The following RIC1 variants were observed in gnomAD, a reference collection of about 807,000 sequenced individuals.
RIC1 encodes guanine nucleotide exchange factor subunit RIC1.
RIC1 carries 88 observed loss-of-function variants against 169.0 expected under a neutral mutation model. That is an observed-to-expected ratio of 0.52 (90% confidence interval 0.44 to 0.62). RIC1 has a LOEUF of 0.62. Among genes scored for constraint, RIC1 ranks in the 20% least tolerant of loss-of-function variants. The pLI is 0.00. For missense variants in RIC1, 1,877 were observed against 1,725.5 expected (o/e 1.09, Z -1.56); for synonymous variants, 790 against 601.5 (o/e 1.31, Z -4.59).
In RIC1 at chr9:5,770,223, T is replaced by C. The variant is rs757595745; in HGVS notation, c.3561T>C (p.Ala1187=). ...IGPTHHEIDT[A]SSHGPQMQDA... Reference sequence around the variant, plus strand: ...CCACCCATCATGAGATAGACACAGCTTCATCCCATGGACCACAAATGCAAG... The same window carrying C: ...CCACCCATCATGAGATAGACACAGCCTCATCCCATGGACCACAAATGCAAG... The change falls in exon 23 of 26, where the codon GCT becomes GCC. Residue 1187 remains alanine, a synonymous_variant. Transcript: ENST00000414202. 5 of 1,613,880 alleles carry C rather than the reference T, an allele frequency of 3.1e-6. No individual in the cohort carries two copies. The African/African-American group carries it at 6.7e-5, about 22-fold the overall frequency.
intron 1 of RIC1, among the ~76,000 whole-genome samples, chr9:5,650,361 A>T (rs530486308): frequency 6.6e-6 from 1 of 151,856 alleles, no homozygotes; most frequent in Non-Finnish European, 1.5e-5. Flanking sequence ...CTATGCTCCA[A>T]TCTCTATGCT....
At chr9:5,700,764 G>A (rs569332725) in intron 3 of RIC1, among the ~76,000 whole-genome samples, 5 of 152,088 alleles carry the variant, frequency 3.3e-5, no homozygotes, top group Non-Finnish European at 7.4e-5. Flanking sequence ...TGGGAAAATC[G>A]TTGGAACAGA....
At chr9:5,734,612 G>A (rs1250914498) in intron 7 of RIC1, among the ~76,000 whole-genome samples, 1 of 151,782 alleles carries the variant, frequency 6.6e-6, no homozygotes, top group African/African-American at 2.4e-5. Flanking sequence ...TAGTTTTAAC[G>A]TTGTAGTAGA....
At chr9:5,703,215 A>G (rs1225780177) in intron 3 of RIC1, among the ~76,000 whole-genome samples, 1 of 152,136 alleles carries the variant, frequency 6.6e-6, no homozygotes, top group African/African-American at 2.4e-5. Context: ...CCAAGATACA[A>G]TGGGAATACA....
chr9:5,727,912 T>C (rs1824100235), intron 6 of RIC1, among the ~76,000 whole-genome samples: 1 of 152,218 alleles, frequency 6.6e-6, no homozygotes, highest in Non-Finnish European at 1.5e-5. Context: ...AAGGTTCATC[T>C]TAGAGGGGCA....
At chr9:5,709,834 A>G (rs917711525) in intron 3 of RIC1, among the ~76,000 whole-genome samples, 2 of 152,192 alleles carry the variant, frequency 1.3e-5, no homozygotes, top group Non-Finnish European at 2.9e-5. Flanking sequence ...TGTATCTCTA[A>G]TTTTATAATG....
intron 2 of RIC1, among the ~76,000 whole-genome samples, chr9:5,677,783 A>G (rs1187614628): frequency 6.6e-6 from 1 of 152,128 alleles, no homozygotes; most frequent in Non-Finnish European, 1.5e-5. Context: ...GTAAATTAAA[A>G]CTACATTGTT....
intron 6 of RIC1, among the ~76,000 whole-genome samples, chr9:5,725,775 T>C (rs1259925166): frequency 6.6e-6 from 1 of 152,208 alleles, no homozygotes; most frequent in African/African-American, 2.4e-5. Flanking sequence ...TTCTCGTTGG[T>C]TTCAAAGAAC....
At chr9:5,729,123 A>T (rs1274750016) in intron 6 of RIC1, among the ~76,000 whole-genome samples, 1 of 152,088 alleles carries the variant, frequency 6.6e-6, no homozygotes, top group Non-Finnish European at 1.5e-5. Flanking sequence ...CTGGGATTTG[A>T]GTTACAGAAG....
chr9:5,763,103 T>C lies in RIC1; in HGVS notation c.2113-37T>C. 9 of 1,592,914 alleles carry C rather than the reference T, an allele frequency of 5.7e-6. No homozygotes were observed. Among genetic ancestry groups the C allele is most frequent in the Non-Finnish European group, 7.7e-6 (9 of 1,168,500 alleles). On this transcript the variant is annotated intron_variant, in intron 18 of 25. Coordinates refer to ENST00000414202, the MANE Select transcript of RIC1 (RefSeq NM_020829.4). This position sits in a 1 kb window ranked among gnomAD's most constrained non-coding sequence, Gnocchi z 5.2. Reference sequence around the variant, plus strand: ...GGAACTTAAGAACCTGCAGATTTAATAGGAAAACAACTTGATTCTTGTCTC... The same window carrying C: ...GGAACTTAAGAACCTGCAGATTTAACAGGAAAACAACTTGATTCTTGTCTC...
intron 17 of RIC1, among the ~76,000 whole-genome samples, chr9:5,760,931 TCA>T (rs1826289207): frequency 6.6e-6 from 1 of 151,962 alleles, no homozygotes; most frequent in South Asian, 2.1e-4. Context: ...TTTTGAATAC[TCA>T]CTCTTTCCTC....
At chr9:5,648,406 A>C (rs547226776) in intron 1 of RIC1, among the ~76,000 whole-genome samples, 1 of 152,296 alleles carries the variant, frequency 6.6e-6, no homozygotes, top group South Asian at 2.1e-4. Context: ...TTTCTGACTC[A>C]ATTGAAATGA....
intron 3 of RIC1, among the ~76,000 whole-genome samples, chr9:5,706,017 C>A (rs1210647944): frequency 6.6e-6 from 1 of 152,132 alleles, no homozygotes; most frequent in Non-Finnish European, 1.5e-5. Context: ...GGTGGATAAT[C>A]CTTTTAATAT....
chr9:5,746,060 G>A lies in RIC1; in HGVS notation c.1225G>A (p.Val409Ile), dbSNP rs931823786. 1.9e-6 allele frequency: 3 copies of A among 1,613,282 alleles called. No homozygotes were observed. Among genetic ancestry groups the A allele is most frequent in the African/African-American group, 2.7e-5 (2 of 74,866 alleles). Residue 409 changes from valine to isoleucine, a missense_variant, in exon 11 of 26, where the codon GTA (valine) becomes ATA (isoleucine). Transcript: ENST00000414202. ...CCTGTTATTTCAGTTTATTAAGAGT[G>A]TACTCACTGTAAACCCTTGTATGGT... is the stretch of plus-strand genomic sequence containing the variant. ...SILLFQFIKSVLTVNPCMSNQ... is the reference protein window; with the variant it reads ...SILLFQFIKSILTVNPCMSNQ...
At chr9:5,701,450 T>C (rs1312472143) in intron 3 of RIC1, among the ~76,000 whole-genome samples, 1 of 152,026 alleles carries the variant, frequency 6.6e-6, no homozygotes, top group African/African-American at 2.4e-5. Context: ...CCGTCTCTAC[T>C]AACAATACAA....
chr9:5,636,770 T>A (rs945132005), intron 1 of RIC1, among the ~76,000 whole-genome samples: 3 of 152,212 alleles, frequency 2.0e-5, no homozygotes, highest in African/African-American at 7.2e-5. Flanking sequence ...AAATATAAGA[T>A]TATGTCATCT....
chr9:5,697,773 C>G (rs1024474440), intron 3 of RIC1, among the ~76,000 whole-genome samples: 1 of 152,176 alleles, frequency 6.6e-6, no homozygotes, highest in African/African-American at 2.4e-5. Context: ...AGAATCATCT[C>G]AAATGGATTC....
At chr9:5,747,074 G>A (rs1449662017) in intron 11 of RIC1, among the ~76,000 whole-genome samples, 1 of 152,124 alleles carries the variant, frequency 6.6e-6, no homozygotes, top group East Asian at 1.9e-4. Flanking sequence ...GAGAACACTG[G>A]CTTTCTAGCT....
At chr9:5,695,405 G>A (rs1279486639) in intron 3 of RIC1, among the ~76,000 whole-genome samples, 1 of 151,982 alleles carries the variant, frequency 6.6e-6, no homozygotes, top group African/African-American at 2.4e-5. Context: ...TGGCACCACC[G>A]TGTATTTGAG....
Sources: gnomAD v4.1 joint callset for allele counts (sites outside exome capture counted in the v4.1 genomes callset) on GRCh38, gnomAD v4.1.1 for gene constraint, Gnocchi (gnomAD v3.1) non-coding constraint, MANE v1.5 for transcripts, NCBI Gene and HGNC (gene_info 2026-07-23, HGNC 2026-07-21) for gene names.